Variants in P2RY2 observed in about 807,000 individuals in gnomAD.
P2RY2 encodes the protein P2Y purinoceptor 2.
For synonymous variants in P2RY2, 241 were observed against 231.9 expected, an observed-to-expected ratio of 1.04 and a Z score of -0.35; for missense variants, 567 against 515.7, an observed-to-expected ratio of 1.10 and a Z score of -0.96.
chr11:73,229,701 A>G (rs1239609942), intron 2 of P2RY2, among the ~76,000 whole-genome samples: 1 of 152,140 alleles, frequency 6.6e-6, no homozygotes, highest in Non-Finnish European at 1.5e-5. Flanking sequence ...CAAGGGAGAC[A>G]GGGAAGTCTC....
intron 2 of P2RY2, among the ~76,000 whole-genome samples, chr11:73,229,856 G>C (rs945689151): frequency 1.3e-5 from 2 of 152,114 alleles, no homozygotes; most frequent in Non-Finnish European, 2.9e-5. Flanking sequence ...GTGAAGGGGA[G>C]ACTGGGTGTG....
At chr11:73,233,266 C>A (rs1057162335) in intron 2 of P2RY2, among the ~76,000 whole-genome samples, 3 of 152,254 alleles carry the variant, frequency 2.0e-5, no homozygotes, top group Non-Finnish European at 4.4e-5. Context: ...ATAGAAAGTG[C>A]CAGAATAGAG....
At chr11:73,224,916 G>A (rs1312454360) in intron 1 of P2RY2, among the ~76,000 whole-genome samples, 1 of 152,188 alleles carries the variant, frequency 6.6e-6, no homozygotes, top group African/African-American at 2.4e-5. Context: ...GGCAGGTACT[G>A]TTCTGATATT....
chr11:73,232,971 G>A (rs891722313), intron 2 of P2RY2, among the ~76,000 whole-genome samples: 1 of 152,086 alleles, frequency 6.6e-6, no homozygotes, highest in Non-Finnish European at 1.5e-5. Context: ...GAGAGGGAGG[G>A]GACAAGCTGC....
At position 73,234,235 on chromosome 11, in the gene P2RY2, C is replaced by T. The variant is rs535557969; in HGVS notation, c.76C>T (p.Arg26Cys). 3.1e-6 allele frequency: 5 copies of T among 1,614,154 alleles called. No individual in the cohort carries two copies. The highest frequency in any genetic ancestry group is 1.3e-5 in the African/African-American group (1 of 75,030). ...WDGDELGYRC[R>C]FNEDFKYVLL... The stretch of plus-strand genomic sequence containing the variant: ...TGGGGATGAGCTGGGCTACAGGTGC[C>T]GCTTCAACGAGGACTTCAAGTACGT... Residue 26 changes from arginine (R) to cysteine (C), a missense_variant, in exon 3 of 3, where the codon CGC (arginine) becomes TGC (cysteine). Coordinates refer to ENST00000393597, the MANE Select transcript of P2RY2 (RefSeq NM_002564.4).
In P2RY2 at chr11:73,234,719, C is replaced by A; in HGVS notation, c.560C>A (p.Ser187Ter). ...RGGRVTCHDT[S>*]APELFSRFVA... is the part of the protein sequence containing the mutation. Reference sequence around the variant, plus strand: ...GGCCGCGTAACCTGCCACGACACCTCGGCACCCGAGCTCTTCAGCCGCTTC... The same window carrying A: ...GGCCGCGTAACCTGCCACGACACCTAGGCACCCGAGCTCTTCAGCCGCTTC... Residue 187 changes from serine to a stop codon, truncating the protein, a stop_gained, in exon 3 of 3, where the codon TCG becomes TAG. Coordinates refer to ENST00000393597, the MANE Select transcript of P2RY2 (RefSeq NM_002564.4). LOFTEE classifies it low-confidence loss of function (END_TRUNC). 1 of 1,608,526 alleles carries A rather than the reference C, an allele frequency of 6.2e-7. No individual in the cohort carries two copies.
chr11:73,224,434 C>T (rs1025868029), intron 1 of P2RY2, among the ~76,000 whole-genome samples: 1 of 152,238 alleles, frequency 6.6e-6, no homozygotes. Context: ...GGAAGCCTTC[C>T]CTCATCACCC....
intron 2 of P2RY2, among the ~76,000 whole-genome samples, chr11:73,231,298 C>T (rs1284219269): frequency 6.6e-6 from 1 of 151,260 alleles, no homozygotes; most frequent in African/African-American, 2.4e-5. Flanking sequence ...GTAATCCCAG[C>T]ACTTTAGGAG....
chr11:73,225,755 T>A (rs1038319180), intron 1 of P2RY2, among the ~76,000 whole-genome samples: 2 of 140,176 alleles, frequency 1.4e-5, no homozygotes, highest in African/African-American at 5.4e-5. Flanking sequence ...GATATAGGTG[T>A]TAGATGATAA....
chr11:73,233,937 T>A, intron 2 of P2RY2: 1 of 581,654 alleles, frequency 1.7e-6, no homozygotes, highest in Non-Finnish European at 3.0e-6. Flanking sequence ...ATCTGGCCTT[T>A]GGACTATAGT....
rs2135656553 is a variant in P2RY2, at chr11:73,241,173, A to T, written c.*5880A>T. ...AACCATGCTGGCACCCCGATCTTAGACTTCCAGTCTTCAGAATGGTGAGAA... is the reference window on the plus strand; with the variant it reads ...AACCATGCTGGCACCCCGATCTTAGTCTTCCAGTCTTCAGAATGGTGAGAA... On this transcript the variant is annotated 3_prime_UTR_variant, in exon 3 of 3. Transcript: ENST00000393597. 6.6e-6 allele frequency: 1 copy of T among 152,332 alleles called. No homozygotes were observed. Among genetic ancestry groups the T allele is most frequent in the East Asian group, 1.9e-4 (1 of 5,180 alleles). The allele number at this position is 152,332 out of a possible 1,614,324, so 9.4% of individuals were successfully genotyped here.
intron 2 of P2RY2, among the ~76,000 whole-genome samples, chr11:73,230,907 G>A (rs1862434911): frequency 1.0e-5 from 1 of 96,090 alleles, no homozygotes. Context: ...GGCCACTCTG[G>A]ATTTTTGTGG....
In P2RY2 at chr11:73,235,245, A is replaced by G. The variant is rs1862614191; in HGVS notation, c.1086A>G (p.Thr362=). ...GCAGCAGTGAGGACTCTAGGCGGAC[A>G]GAGTCCACGCCGGCTGGTAGCGAGA... ...VLGSSEDSRR[T]ESTPAGSENT... The change falls in exon 3 of 3, where the codon ACA becomes ACG. Residue 362 remains threonine (T), a synonymous_variant. Coordinates refer to ENST00000393597, the MANE Select transcript of P2RY2 (RefSeq NM_002564.4). 2.5e-6 allele frequency: 4 copies of G among 1,599,104 alleles called. No homozygotes were observed. Among genetic ancestry groups the G allele is most frequent in the African/African-American group, 1.3e-5 (1 of 74,506 alleles).
chr11:73,231,276 T>C (rs1286803301), intron 2 of P2RY2, among the ~76,000 whole-genome samples: 1 of 151,608 alleles, frequency 6.6e-6, no homozygotes. Context: ...CCAGGCGCCA[T>C]GGCCCACACC....
At position 73,236,207 on chromosome 11, in the gene P2RY2, G is replaced by C; in HGVS notation, c.*914G>C. On this transcript the variant is annotated 3_prime_UTR_variant, in exon 3 of 3. Transcript: ENST00000393597. The stretch of plus-strand genomic sequence containing the variant: ...GATTTCCCAGTTTAGGTGATGGCCA[G>C]TCATGTGCTGGTAAATGTTAAGCCA... 4 of 997,658 alleles carry C rather than the reference G, an allele frequency of 4.0e-6. No homozygotes were observed. The highest frequency in any genetic ancestry group is 3.6e-6 in the Non-Finnish European group (3 of 827,632). The allele number at this position is 997,658 out of a possible 1,614,324, so 61.8% of individuals were successfully genotyped here. A position where few individuals can be genotyped will look rare whatever the true frequency, so the allele number is the denominator to read the frequency against.
At chr11:73,223,603 AG>A (rs1862185219) in intron 1 of P2RY2, among the ~76,000 whole-genome samples, 1 of 152,158 alleles carries the variant, frequency 6.6e-6, no homozygotes, top group Non-Finnish European at 1.5e-5. Flanking sequence ...GGCTCTGAGA[AG>A]GGGGGCTGAC....
In P2RY2 at chr11:73,236,981, C is replaced by T. The variant is rs980695359; in HGVS notation, c.*1688C>T. 1.2e-4 allele frequency: 122 copies of T among 985,156 alleles called. No individual in the cohort carries two copies. The highest frequency in any genetic ancestry group is 1.4e-4 in the Non-Finnish European group (118 of 829,840). The allele number at this position is 985,156 out of a possible 1,614,324, so 61.0% of individuals were successfully genotyped here. ...TCCCTCCTCTCCCTCTGGGAGAGCCCTCGCCCTGTGGCCCACTCTGCCTGC... is the reference window on the plus strand; with the variant it reads ...TCCCTCCTCTCCCTCTGGGAGAGCCTTCGCCCTGTGGCCCACTCTGCCTGC... On this transcript the variant is annotated 3_prime_UTR_variant, in exon 3 of 3. Coordinates refer to ENST00000393597, the MANE Select transcript of P2RY2 (RefSeq NM_002564.4).
rs958444557 is a variant in P2RY2, at chr11:73,240,965, G to A, written c.*5672G>A. ...ATATGTCAAAATCCCAACTGCCAAG[G>A]TGATGGTATTAGAAGGTGGGGCCTT... On this transcript the variant is annotated 3_prime_UTR_variant, in exon 3 of 3. Transcript: ENST00000393597. 2.6e-5 allele frequency: 4 copies of A among 152,244 alleles called. No individual in the cohort carries two copies. The highest frequency in any genetic ancestry group is 4.4e-5 in the Non-Finnish European group (3 of 68,064). The allele number at this position is 152,244 out of a possible 1,614,324, so 9.4% of individuals were successfully genotyped here.
chr11:73,232,601 G>GT (rs1314880658), intron 2 of P2RY2, among the ~76,000 whole-genome samples: 3 of 152,044 alleles, frequency 2.0e-5, no homozygotes, highest in Non-Finnish European at 4.4e-5. Context: ...TAGAGACAGG[G>GT]TTTCTCCATG....
Sources: allele counts gnomAD v4.1 joint callset (sites outside exome capture counted in the v4.1 genomes callset), GRCh38; gene constraint gnomAD v4.1.1; transcripts MANE v1.5; gene names NCBI Gene and HGNC (gene_info 2026-07-23, HGNC 2026-07-21).